The following SLC4A7 variants were observed in gnomAD, a reference collection of about 807,000 sequenced individuals.
SLC4A7 encodes sodium bicarbonate cotransporter 3.
SLC4A7 carries 51 observed loss-of-function variants against 137.6 expected under a neutral mutation model. The observed-to-expected ratio is 0.37, with a 90% CI of 0.30 to 0.47. The LOEUF (loss-of-function observed/expected upper bound fraction) is 0.47, where lower values mean the gene tolerates loss of function less well. Among genes scored for constraint, SLC4A7 ranks in the 20% least tolerant of loss-of-function variants. The pLI, the probability that SLC4A7 is intolerant of heterozygous loss-of-function variation, is 1.00. For synonymous variants in SLC4A7, 542 were observed against 518.6 expected (o/e 1.05, Z -0.61); for missense variants, 1,247 against 1,525.4 (o/e 0.82, Z 3.04).
chr3:27,418,582 A>G lies in SLC4A7; in HGVS notation c.1563T>C (p.Ser521=). Residue 521 remains serine, a synonymous_variant, in exon 11 of 26, where the codon TCT becomes TCC. Transcript: ENST00000454389. ...YKAKDRNDLL[S]GIDEFLDQVT... is the part of the protein sequence containing the mutation. The stretch of plus-strand genomic sequence containing the variant: ...CTTGATCTAAAAATTCATCAATTCC[A>G]GATAAGAGGTCATTTCTGTCTTTTG... The G allele has an allele frequency of 6.2e-7, 1 of 1,600,352 alleles. No individual in the cohort carries two copies. The highest frequency in any genetic ancestry group is 8.6e-7 in the Non-Finnish European group (1 of 1,167,752).
intron 1 of SLC4A7, among the ~76,000 whole-genome samples, chr3:27,483,736 C>A (rs947807180): frequency 6.6e-6 from 1 of 152,064 alleles, no homozygotes; most frequent in Non-Finnish European, 1.5e-5. Flanking sequence ...ACAGGGGAGG[C>A]GAGCGCTGAG....
intron 2 of SLC4A7, among the ~76,000 whole-genome samples, chr3:27,449,444 GA>G (rs36125399): frequency 3.4e-5 from 5 of 145,054 alleles, no homozygotes; most frequent in East Asian, 4.0e-4. Context: ...TTTGAGTTTT[GA>G]AAAAAAAATC....
chr3:27,392,209 C>T, intron 20 of SLC4A7, among the ~76,000 whole-genome samples: 1 of 152,180 alleles, frequency 6.6e-6, no homozygotes, highest in Non-Finnish European at 1.5e-5. Flanking sequence ...TCACTACCTG[C>T]TGCACTGAAT....
At chr3:27,396,689 C>T (rs1309771967) in intron 18 of SLC4A7, among the ~76,000 whole-genome samples, 6 of 151,990 alleles carry the variant, frequency 3.9e-5, no homozygotes, top group East Asian at 1.9e-4. Context: ...TTCCTTATTT[C>T]GGATCCCCTT....
chr3:27,380,511 C>T (rs1381969601), intron 24 of SLC4A7, among the ~76,000 whole-genome samples: 1 of 152,004 alleles, frequency 6.6e-6, no homozygotes. Flanking sequence ...TTTGCAAGTC[C>T]TTTTTCTTGG....
chr3:27,436,048 G>A (rs2056714173), intron 5 of SLC4A7, among the ~76,000 whole-genome samples: 1 of 151,654 alleles, frequency 6.6e-6, no homozygotes, highest in Non-Finnish European at 1.5e-5. Context: ...CCTACTCCTT[G>A]GTTCCCATGT....
chr3:27,484,118 AG>A lies in SLC4A7; in HGVS notation c.8del (p.Ala3ValfsTer8). 1 of 1,390,466 alleles carries A rather than the reference AG, an allele frequency of 7.2e-7. No individual in the cohort carries two copies. Among genetic ancestry groups the A allele is most frequent in the Non-Finnish European group, 9.4e-7 (1 of 1,067,048 alleles). 86.1% of individuals were successfully genotyped at this position (1,390,466 alleles called of 1,614,324 possible). On this transcript the variant is annotated frameshift_variant, in exon 1 of 26. Coordinates refer to ENST00000454389, the MANE Select transcript of SLC4A7 (RefSeq NM_001321103.2). LOFTEE classifies it high-confidence loss of function. Reference sequence around the variant, plus strand: ...GTCTCATCTGCTCGCCGGCCCCATCAGCCTCCATGGCCGGCCGGCCAGCCCG... The same window carrying A: ...GTCTCATCTGCTCGCCGGCCCCATCACCTCCATGGCCGGCCGGCCAGCCCG... ME[A>X]DGAGEQMRPL... is the part of the protein sequence containing the mutation.
chr3:27,447,117 AC>A (rs1429436648), intron 3 of SLC4A7, among the ~76,000 whole-genome samples: 5 of 149,740 alleles, frequency 3.3e-5, no homozygotes, highest in South Asian at 2.1e-4. Flanking sequence ...TGAACTCCTG[AC>A]CTCGTGATCC....
At chr3:27,479,380 C>G (rs937780719) in intron 1 of SLC4A7, among the ~76,000 whole-genome samples, 1 of 151,446 alleles carries the variant, frequency 6.6e-6, no homozygotes, top group South Asian at 2.1e-4. Context: ...TACCACTGCA[C>G]TTCAGCCTGG....
At chr3:27,465,474 TAAAAAA>T (rs10564000) in intron 1 of SLC4A7, among the ~76,000 whole-genome samples, 1 of 125,458 alleles carries the variant, frequency 8.0e-6, no homozygotes, top group African/African-American at 2.9e-5. Context: ...GTAGGCACAG[TAAAAAA>T]AAAAAAAAAA....
At chr3:27,470,007 T>A (rs573026151) in intron 1 of SLC4A7, among the ~76,000 whole-genome samples, 7 of 152,226 alleles carry the variant, frequency 4.6e-5, no homozygotes, top group Non-Finnish European at 8.8e-5. Context: ...TGTATTGGCA[T>A]ACATATAAAA....
In SLC4A7 at chr3:27,375,717, A is replaced by G. The variant is rs2049857581; in HGVS notation, c.*1047T>C. 6.6e-6 allele frequency: 1 copy of G among 152,426 alleles called. No individual in the cohort carries two copies. Among genetic ancestry groups the G allele is most frequent in the Non-Finnish European group, 1.5e-5 (1 of 67,904 alleles). The allele number at this position is 152,426 out of a possible 1,614,324, so 9.4% of individuals were successfully genotyped here. A position where few individuals can be genotyped will look rare whatever the true frequency, so the allele number is the denominator to read the frequency against. On this transcript the variant is annotated 3_prime_UTR_variant, in exon 26 of 26. Coordinates refer to ENST00000454389, the MANE Select transcript of SLC4A7 (RefSeq NM_001321103.2). ...ATTTAAGCATCATATCAAAATAAAT[A>G]TTTTAAAATAAAATCACAGGTAACA... is the stretch of plus-strand genomic sequence containing the variant.
At chr3:27,457,227 G>A (rs2058461613) in intron 1 of SLC4A7, among the ~76,000 whole-genome samples, 1 of 151,894 alleles carries the variant, frequency 6.6e-6, no homozygotes, top group Admixed American at 6.6e-5. Flanking sequence ...AAACTTCAAA[G>A]TACTTATTCA....
Position 27,434,066 on chromosome 3 carries a change from C to G in SLC4A7, c.628G>C (p.Asp210His). 6.2e-7 allele frequency: 1 copy of G among 1,613,288 alleles called. No homozygotes were observed. Among genetic ancestry groups the G allele is most frequent in the Non-Finnish European group, 8.5e-7 (1 of 1,179,732 alleles). The change falls in exon 6 of 26, where the codon GAC (aspartate) becomes CAC (histidine). Residue 210 changes from aspartate to histidine, a missense_variant. Transcript: ENST00000454389. ...LDNMIASGQLDESIRENVREA... is the reference protein window; with the variant it reads ...LDNMIASGQLHESIRENVREA... The stretch of plus-strand genomic sequence containing the variant: ...CTGACATTCTCTCGTATGGACTCGT[C>G]TAATTGGCCAGAAGCTATCATGTTG...
chr3:27,423,278 C>G (rs771658270), intron 8 of SLC4A7, among the ~76,000 whole-genome samples: 2 of 152,026 alleles, frequency 1.3e-5, no homozygotes, highest in Non-Finnish European at 2.9e-5. Context: ...ATTAAAAAGT[C>G]TTATACTGGA....
At chr3:27,442,785 GAAC>G (rs890131647) in intron 3 of SLC4A7, among the ~76,000 whole-genome samples, 7 of 152,072 alleles carry the variant, frequency 4.6e-5, no homozygotes, top group Admixed American at 1.3e-4. Flanking sequence ...AAGGGAAAAA[GAAC>G]AACACAGCAA....
intron 24 of SLC4A7, among the ~76,000 whole-genome samples, chr3:27,381,188 TAAAAGAC>T (rs2050383003): frequency 6.6e-6 from 1 of 152,186 alleles, no homozygotes; most frequent in Non-Finnish European, 1.5e-5. Context: ...TGACACCACT[TAAAAGAC>T]AAAAGGAAAA....
intron 25 of SLC4A7, among the ~76,000 whole-genome samples, chr3:27,378,405 A>AT (rs1378925296): frequency 6.6e-6 from 1 of 152,218 alleles, no homozygotes; most frequent in Non-Finnish European, 1.5e-5. Context: ...CAAACTGTAC[A>AT]TAAAAAAGAA....
chr3:27,403,093 T>C (rs202081385), intron 15 of SLC4A7, 46 bp downstream of exon 15: 28 of 1,553,358 alleles, frequency 1.8e-5, no homozygotes, highest in Non-Finnish European at 2.3e-5. Flanking sequence ...CTCTGACATC[T>C]CTGTAAAAAC....
Sources: gnomAD v4.1 joint callset for allele counts (sites outside exome capture counted in the v4.1 genomes callset) on GRCh38, gnomAD v4.1.1 for gene constraint, MANE v1.5 for transcripts, NCBI Gene and HGNC (gene_info 2026-07-23, HGNC 2026-07-21) for gene names.